CPEB3: variants seen among roughly 807,000 people sequenced by gnomAD.
CPEB3 encodes the protein cytoplasmic polyadenylation element binding protein 3, also known as cytoplasmic polyadenylation element-binding protein 3.
A neutral mutation model predicts 67.2 loss-of-function variants in CPEB3; 20 were observed. The observed-to-expected ratio is 0.30, with a 90% CI of 0.21 to 0.43. CPEB3 has a LOEUF of 0.43. CPEB3 is among the 20% of genes least tolerant of loss of function. The pLI is 1.00. For missense variants in CPEB3, 746 were observed against 968.6 expected, an observed-to-expected ratio of 0.77 and a Z score of 3.05; for synonymous variants, 376 against 393.1, an observed-to-expected ratio of 0.96 and a Z score of 0.51.
chr10:92,071,035 CAG>C (rs981392584), intron 9 of CPEB3, among the ~76,000 whole-genome samples: 1 of 150,902 alleles, frequency 6.6e-6, no homozygotes, highest in African/African-American at 2.4e-5. Context: ...CGTATATTGA[CAG>C]AGTGCTTTAC....
chr10:92,118,677 ATGTTGGTCGACAT>A lies in CPEB3; in HGVS notation c.1454-7496_1454-7484del, dbSNP rs774585251. ...AAGATGGCTGCACTCTTGCTGAGAC[ATGTTGGTCGACAT>A]TGCCTCCGAGCCCACTTTAGCCCTC... On this transcript the variant is annotated intron_variant, in intron 6 of 9. Coordinates refer to ENST00000265997, the MANE Select transcript of CPEB3 (RefSeq NM_014912.5). The A allele has an allele frequency of 1.1e-4, 73 of 681,112 alleles. 1 individual carries two copies. Among genetic ancestry groups the A allele is most frequent in the Admixed American group, 8.9e-4 (45 of 50,642 alleles). 42.2% of individuals were successfully genotyped at this position (681,112 alleles called of 1,614,324 possible). A position where few individuals can be genotyped will look rare whatever the true frequency, so the allele number is the denominator to read the frequency against.
At position 92,290,995 on chromosome 10, in the gene CPEB3, C is replaced by T. The variant is rs1654789839; in HGVS notation, c.-81G>A. Reference sequence around the variant, plus strand: ...GAAAGCGGCCCGAAAGACATTTTTTCCCCCTGGAGGAAGGAAACGGGAGGG... The same window carrying T: ...GAAAGCGGCCCGAAAGACATTTTTTTCCCCTGGAGGAAGGAAACGGGAGGG... On this transcript the variant is annotated 5_prime_UTR_variant, in exon 1 of 10. Transcript: ENST00000265997. 1 of 164,920 alleles carries T rather than the reference C, an allele frequency of 6.1e-6. No individual in the cohort carries two copies. Among genetic ancestry groups the T allele is most frequent in the Non-Finnish European group, 1.3e-5 (1 of 75,892 alleles). 10.2% of individuals were successfully genotyped at this position (164,920 alleles called of 1,614,324 possible).
chr10:92,102,003 G>C (rs1844211102), intron 7 of CPEB3, among the ~76,000 whole-genome samples: 1 of 152,184 alleles, frequency 6.6e-6, no homozygotes, highest in African/African-American at 2.4e-5. Flanking sequence ...CCAAAACTAA[G>C]AGCCACAACA....
intron 4 of CPEB3, among the ~76,000 whole-genome samples, chr10:92,168,988 G>T (rs576578366): frequency 6.6e-6 from 1 of 150,888 alleles, no homozygotes; most frequent in East Asian, 2.0e-4. Context: ...TAGAGATGGG[G>T]TTTCATCATA....
At position 92,081,352 on chromosome 10, in the gene CPEB3, C is replaced by T; in HGVS notation, c.1837G>A (p.Val613Met). 1.2e-6 allele frequency: 2 copies of T among 1,614,178 alleles called. No individual in the cohort carries two copies. Among genetic ancestry groups the T allele is most frequent in the Non-Finnish European group, 1.7e-6 (2 of 1,180,036 alleles). ...TCAATGTCATTGTGCTGAAGCTGCA[C>T]AAAACGAGCGCTGATGGCTGCAATG... ...SYIAAISARF[V>M]QLQHNDIDKR... Residue 613 changes from valine to methionine, a missense_variant, in exon 9 of 10, where the codon GTG becomes ATG. Coordinates refer to ENST00000265997, the MANE Select transcript of CPEB3 (RefSeq NM_014912.5).
chr10:92,087,100 CA>C (rs1168825726), intron 8 of CPEB3, among the ~76,000 whole-genome samples: 1 of 152,192 alleles, frequency 6.6e-6, no homozygotes, highest in East Asian at 1.9e-4. Context: ...TCCTAAGTCA[CA>C]AATCAGGACA....
chr10:92,251,383 C>T (rs1852295714), intron 1 of CPEB3, among the ~76,000 whole-genome samples: 1 of 152,074 alleles, frequency 6.6e-6, no homozygotes, highest in South Asian at 2.1e-4. Context: ...TCTCTCTTCT[C>T]TCCTCTTCTC....
In CPEB3 at chr10:92,051,030, T is replaced by G. The variant is rs1019377038; in HGVS notation, c.*1182A>C. On this transcript the variant is annotated 3_prime_UTR_variant, in exon 10 of 10. Transcript: ENST00000265997. ...AATCACTTTACTATATAAAATAAAT[T>G]TCACAATATATAACAGAGCACCGCA... 3.9e-5 allele frequency: 6 copies of G among 152,620 alleles called. No individual in the cohort carries two copies. The highest frequency in any genetic ancestry group is 1.4e-4 in the African/African-American group (6 of 41,438). 9.5% of individuals were successfully genotyped at this position (152,620 alleles called of 1,614,324 possible).
At chr10:92,060,148 G>C (rs1842284768) in intron 9 of CPEB3, among the ~76,000 whole-genome samples, 1 of 151,916 alleles carries the variant, frequency 6.6e-6, no homozygotes, top group East Asian at 1.9e-4. Flanking sequence ...CTTGAGGTCA[G>C]GAATTTGAGA....
intron 6 of CPEB3, among the ~76,000 whole-genome samples, chr10:92,125,491 C>A (rs113437568): frequency 6.6e-6 from 1 of 152,188 alleles, no homozygotes; most frequent in Admixed American, 6.5e-5. Flanking sequence ...TTCTCTGTCC[C>A]ACTATGAGAG....
At chr10:92,075,273 G>A (rs900217813) in intron 9 of CPEB3, among the ~76,000 whole-genome samples, 1 of 152,120 alleles carries the variant, frequency 6.6e-6, no homozygotes, top group African/African-American at 2.4e-5. Context: ...GGTTAAATAA[G>A]TAGGATCCTC....
chr10:92,195,814 A>G (rs1484748962), intron 2 of CPEB3, among the ~76,000 whole-genome samples: 1 of 152,250 alleles, frequency 6.6e-6, no homozygotes, highest in Non-Finnish European at 1.5e-5. Context: ...CAAGGTTCAG[A>G]GAAGATTCAA....
intron 2 of CPEB3, chr10:92,216,304 C>G (rs865869084): frequency 6.4e-7 from 1 of 1,572,438 alleles, no homozygotes; most frequent in African/African-American, 1.4e-5. Flanking sequence ...GGCAGCCTCC[C>G]TGGGACTAGG....
chr10:92,105,662 C>G (rs1274945667), intron 7 of CPEB3, among the ~76,000 whole-genome samples: 1 of 149,212 alleles, frequency 6.7e-6, no homozygotes, highest in Non-Finnish European at 1.5e-5. Context: ...ATTTGGGAAC[C>G]TTTTATGTGC....
rs373292872 is a variant in CPEB3, at chr10:92,048,383, T to TCACACACACACACACACACA, written c.*3828_*3829insTGTGTGTGTGTGTGTGTGTG. 2 of 76,168 alleles carry TCACACACACACACACACACA rather than the reference T, an allele frequency of 2.6e-5. No homozygotes were observed. Among genetic ancestry groups the TCACACACACACACACACACA allele is most frequent in the Non-Finnish European group, 4.7e-5 (2 of 42,896 alleles). The allele number at this position is 76,168 out of a possible 1,614,324, so 4.7% of individuals were successfully genotyped here. A position where few individuals can be genotyped will look rare whatever the true frequency, so the allele number is the denominator to read the frequency against. On this transcript the variant is annotated 3_prime_UTR_variant, in exon 10 of 10. Coordinates refer to ENST00000265997, the MANE Select transcript of CPEB3 (RefSeq NM_014912.5). The surrounding 1 kb of genome is among the most constrained non-coding windows in gnomAD (Gnocchi z 4.1). The stretch of plus-strand genomic sequence containing the variant: ...GTTTTTCTCTCTCTCTCTCTCTCTC[T>TCACACACACACACACACACA]CTCTCACACACACACACACACACAC...
At chr10:92,291,097 A>G, upstream of CPEB3, 1 of 291,466 alleles carries the variant, frequency 3.4e-6, no homozygotes, top group Non-Finnish European at 6.5e-6. Flanking sequence ...CGGTCCGAAG[A>G]CTACATCTCC....
intron 2 of CPEB3, among the ~76,000 whole-genome samples, chr10:92,235,663 C>T (rs901234590): frequency 5.9e-5 from 9 of 152,096 alleles, no homozygotes; most frequent in Non-Finnish European, 1.3e-4. Context: ...AGAACCAGCA[C>T]GTTTATATAA....
At chr10:92,061,334 G>A (rs1273156109) in intron 9 of CPEB3, among the ~76,000 whole-genome samples, 23 of 149,616 alleles carry the variant, frequency 1.5e-4, no homozygotes, top group Admixed American at 1.4e-3. Context: ...CAGAAGAATC[G>A]CTTGAACCCG....
chr10:92,111,199 G>A lies in CPEB3; in HGVS notation c.1454-5C>T. 6.3e-7 allele frequency: 1 copy of A among 1,581,374 alleles called. No individual in the cohort carries two copies. The highest frequency in any genetic ancestry group is 8.7e-7 in the Non-Finnish European group (1 of 1,150,318). On this transcript the variant is annotated splice_polypyrimidine_tract_variant and splice_region_variant and intron_variant, in intron 6 of 9. Coordinates refer to ENST00000265997, the MANE Select transcript of CPEB3 (RefSeq NM_014912.5). ...GGAACAGCAGAAAGGCATAGCCTTG[G>A]GGAGAGCAAAAACAAAAGGGTAGAG...
Sources: gnomAD v4.1 joint callset for allele counts (sites outside exome capture counted in the v4.1 genomes callset) on GRCh38, gnomAD v4.1.1 for gene constraint, Gnocchi (gnomAD v3.1) non-coding constraint, MANE v1.5 for transcripts, NCBI Gene and HGNC (gene_info 2026-07-23, HGNC 2026-07-21) for gene names.